Variants in RACK1 observed in about 807,000 individuals in gnomAD.
RACK1 encodes the protein receptor for activated C kinase 1, also known as small ribosomal subunit protein RACK1.
A neutral mutation model predicts 42.2 loss-of-function variants in RACK1; 3 were observed. That is an observed-to-expected ratio of 0.07 (90% CI 0.03 to 0.18). RACK1 has a LOEUF of 0.18. Ranked by LOEUF, RACK1 falls within the 10% of genes least tolerant of loss-of-function variation. The pLI, the probability that RACK1 is intolerant of heterozygous loss-of-function variation, is 1.00. For missense variants in RACK1, 146 were observed against 403.2 expected, an observed-to-expected ratio of 0.36 and a Z score of 5.46; for synonymous variants, 181 against 154.8, an observed-to-expected ratio of 1.17 and a Z score of -1.25.
intron 7 of RACK1, 104 bp from the exon 8 acceptor site, chr5:181,237,146 A>C: frequency 6.4e-7 from 1 of 1,565,646 alleles, no homozygotes; most frequent in Admixed American, 1.9e-5. Context: ...ACCTTGCTCC[A>C]TTGTCTAGGC....
chr5:181,241,763 TCA>T (rs1222886682), intron 2 of RACK1, 124 bp from the exon 3 acceptor site: 25 of 1,040,776 alleles, frequency 2.4e-5, no homozygotes, highest in African/African-American at 1.4e-4. Context: ...TTGGCTCTGA[TCA>T]CAGAGTCAAG....
rs369145352 is a variant in RACK1 at position 181,237,050 on chromosome 5, G to A, written c.889-8C>T. Reference sequence around the variant, plus strand: ...GTAGCCAGCAAACAGAGTCTGCAGGGAAGAAATGACAGTGACAGGTCAGGC... The same window carrying A: ...GTAGCCAGCAAACAGAGTCTGCAGGAAAGAAATGACAGTGACAGGTCAGGC... On this transcript the variant is annotated splice_polypyrimidine_tract_variant and splice_region_variant and intron_variant, in intron 7 of 7. Transcript: ENST00000512805. The A allele has an allele frequency of 6.2e-6, 10 of 1,613,428 alleles. No individual in the cohort carries two copies. The East Asian group carries it at 1.1e-4, about 18-fold the overall frequency.
In RACK1 at chr5:181,241,426, C is replaced by CAAAAAAAAAAAAAAAAA. The variant is rs57063983; in HGVS notation, c.429+49_429+65dup. 472 of 1,074,278 alleles carry CAAAAAAAAAAAAAAAAA rather than the reference C, an allele frequency of 4.4e-4. 8 individuals are homozygous for CAAAAAAAAAAAAAAAAA. Among genetic ancestry groups the CAAAAAAAAAAAAAAAAA allele is most frequent in the Middle Eastern group, 1.1e-3 (4 of 3,722 alleles). The allele number at this position is 1,074,278 out of a possible 1,614,324, so 66.5% of individuals were successfully genotyped here. ...GCTTGGGCAAGAGTGAGACTGTCGCCAAAAAAAAAAAAAAAAAGCAAAGTT... is the reference window on the plus strand; with the variant it reads ...GCTTGGGCAAGAGTGAGACTGTCGCCAAAAAAAAAAAAAAAAAAAAAAAAAAAAAAAAAAGCAAAGTT... On this transcript the variant is annotated intron_variant, in intron 3 of 7. Transcript: ENST00000512805.
intron 2 of RACK1, 66 bp downstream of exon 2, chr5:181,242,108 T>C: frequency 2.8e-6 from 4 of 1,414,552 alleles, no homozygotes; most frequent in Admixed American, 1.8e-5. Flanking sequence ...AACCAGCCAA[T>C]TGCATCCACC....
chr5:181,242,635 CCA>C (rs1561681468), intron 1 of RACK1: 1 of 456,544 alleles, frequency 2.2e-6, no homozygotes, highest in Non-Finnish European at 4.3e-6. Context: ...TCGGCTCACT[CCA>C]AACTCCACCT....
chr5:181,238,960 A>G, intron 5 of RACK1, 107 bp downstream of exon 5: 1 of 795,044 alleles, frequency 1.3e-6, no homozygotes, highest in Non-Finnish European at 2.3e-6. Flanking sequence ...TTATCCTCCT[A>G]AAACCATCTT....
At chr5:181,239,465 C>G in intron 4 of RACK1, 22 bp downstream of exon 4, 1 of 1,567,550 alleles carries the variant, frequency 6.4e-7, no homozygotes, top group Non-Finnish European at 8.8e-7. Flanking sequence ...TGGTAAAGCC[C>G]CTGCCTTGGC....
intron 7 of RACK1, 197 bp from the exon 8 acceptor site, chr5:181,237,239 G>A: frequency 9.5e-7 from 1 of 1,056,244 alleles, no homozygotes; most frequent in African/African-American, 1.6e-5. Flanking sequence ...GCCTCCAGTA[G>A]GCATGTGCCA....
At position 181,243,770 on chromosome 5, in the gene RACK1, G is replaced by T; in HGVS notation, c.31C>A (p.Leu11Ile). The change falls in exon 1 of 8, where the codon CTC (leucine) becomes ATC (isoleucine). Residue 11 changes from leucine (L) to isoleucine (I), a missense_variant. Physicochemically the swap from Leu to Ile is conservative, Grantham distance 5 (BLOSUM62 2). Coordinates refer to ENST00000512805, the MANE Select transcript of RACK1 (RefSeq NM_006098.5). ...GTTACCCAGCCGTTGTGGCCCTTGA[G>T]GGTGCCACGAAGGGTCATCTGCTCA... MTEQMTLRGTLKGHNGWVTQI... is the reference protein window; with the variant it reads MTEQMTLRGTIKGHNGWVTQI... 6.2e-7 allele frequency: 1 copy of T among 1,608,306 alleles called. No individual in the cohort carries two copies. Among genetic ancestry groups the T allele is most frequent in the Non-Finnish European group, 8.5e-7 (1 of 1,177,438 alleles).
At chr5:181,243,411 AAGG>A (rs763100740) in intron 1 of RACK1, 22 of 1,466,700 alleles carry the variant, frequency 1.5e-5, no homozygotes, top group Non-Finnish European at 1.6e-5. Context: ...CCACACTACG[AAGG>A]AGAAGGCAAA....
intron 1 of RACK1, chr5:181,243,102 A>C (rs1192386723): frequency 2.2e-6 from 1 of 450,168 alleles, no homozygotes; most frequent in East Asian, 7.1e-5. Flanking sequence ...CCCACTCAAC[A>C]AATTTTACGA....
chr5:181,239,789 C>T (rs1020582775), intron 3 of RACK1, among the ~76,000 whole-genome samples: 4 of 152,166 alleles, frequency 2.6e-5, no homozygotes, highest in African/African-American at 4.8e-5. Context: ...CAGAAGCTCA[C>T]GCCTCTAATC....
At chr5:181,241,801 C>G (rs41285571) in intron 2 of RACK1, 162 bp from the exon 3 acceptor site, 37 of 835,734 alleles carry the variant, frequency 4.4e-5, no homozygotes, top group Non-Finnish European at 7.5e-5. Flanking sequence ...AAGAGAAGAG[C>G]CAAGTGACAG....
chr5:181,238,077 G>A (rs889917567), intron 6 of RACK1, 22 bp downstream of exon 6: 1 of 1,613,416 alleles, frequency 6.2e-7, no homozygotes, highest in South Asian at 1.1e-5. Context: ...CAGGTACCCA[G>A]TCAATTGTAA....
chr5:181,241,537 G>A lies in RACK1; in HGVS notation c.384C>T (p.Thr128=), dbSNP rs1759346771. The part of the protein sequence containing the change: ...RQIVSGSRDK[T]IKLWNTLGVC... ...CACCCAGGGTATTCCATAGCTTGAT[G>A]GTTTTATCTCGAGATCCAGAGACAA... Residue 128 remains threonine, a synonymous_variant, in exon 3 of 8, where the codon ACC becomes ACT. Coordinates refer to ENST00000512805, the MANE Select transcript of RACK1 (RefSeq NM_006098.5). 6.2e-7 allele frequency: 1 copy of A among 1,613,718 alleles called. No individual in the cohort carries two copies. The highest frequency in any genetic ancestry group is 8.5e-7 in the Non-Finnish European group (1 of 1,179,872).
Position 181,239,517 on chromosome 5 carries a change from G to A in RACK1, c.495C>T (p.Ile165=), listed in dbSNP as rs139942873. ...CCAGCTTGTCCCAGCCACAGGAGAC[G>A]ATGATAGGGTTGCTGCTGTTGGGCG... The part of the protein sequence containing the change: ...RFSPNSSNPI[I]VSCGWDKLVK... Residue 165 remains isoleucine, a synonymous_variant, in exon 4 of 8, where the codon ATC becomes ATT. Coordinates refer to ENST00000512805, the MANE Select transcript of RACK1 (RefSeq NM_006098.5). The A allele has an allele frequency of 4.3e-5, 70 of 1,613,800 alleles. No individual in the cohort carries two copies. In the African/African-American group the frequency reaches 6.0e-4, roughly 14 times the overall value.
At chr5:181,243,421 C>T (rs1759431452) in intron 1 of RACK1, 2 of 1,493,684 alleles carry the variant, frequency 1.3e-6, no homozygotes, top group South Asian at 1.1e-5. Context: ...AAGGAGAAGG[C>T]AAAAGATATT....
chr5:181,238,683 T>C (rs1759225122), intron 5 of RACK1: 2 of 361,628 alleles, frequency 5.5e-6, no homozygotes, highest in South Asian at 2.2e-5. Flanking sequence ...GTGCCTGTAA[T>C]CCTAGCTACT....
chr5:181,242,114 C>G (rs1582298782), intron 2 of RACK1, 60 bp downstream of exon 2: 2 of 1,450,638 alleles, frequency 1.4e-6, no homozygotes, highest in East Asian at 4.5e-5. Flanking sequence ...CCAATTGCAT[C>G]CACCTCACTT....
Sources: gnomAD v4.1 joint callset for allele counts (sites outside exome capture counted in the v4.1 genomes callset) on GRCh38, gnomAD v4.1.1 for gene constraint, MANE v1.5 for transcripts, NCBI Gene and HGNC (gene_info 2026-07-23, HGNC 2026-07-21) for gene names.